ABHD2: variants seen among roughly 807,000 people sequenced by gnomAD.
ABHD2 encodes the protein monoacylglycerol lipase ABHD2.
ABHD2 carries 20 observed loss-of-function variants against 48.1 expected under a neutral mutation model. That is an observed-to-expected ratio of 0.42 (90% CI 0.29 to 0.60). The LOEUF is 0.60. ABHD2 is among the 20% of genes least tolerant of loss of function. The probability of loss-of-function intolerance (pLI) is 0.24; values close to 1 mark genes in which losing one functional copy is unlikely to be tolerated. For missense variants in ABHD2, 405 were observed against 550.9 expected, an observed-to-expected ratio of 0.74 and a Z score of 2.65; for synonymous variants, 209 against 214.2, an observed-to-expected ratio of 0.98 and a Z score of 0.21.
At chr15:89,064,308 C>T in the ABHD2 span, among the ~76,000 whole-genome samples, 1 of 150,572 alleles carries the variant, frequency 6.6e-6, no homozygotes, top group South Asian at 2.1e-4. Flanking sequence ...CAACCTCTGC[C>T]TCCCGGGTTT....
At chr15:89,086,302 C>G (rs576060622), upstream of ABHD2, among the ~76,000 whole-genome samples, 28 of 152,356 alleles carry the variant, frequency 1.8e-4, no homozygotes, top group South Asian at 5.6e-3. Context: ...GCTGGGATTA[C>G]AGGCTTGAGC....
At chr15:89,143,904 A>G (rs1233218867) in intron 3 of ABHD2, among the ~76,000 whole-genome samples, 2 of 152,080 alleles carry the variant, frequency 1.3e-5, no homozygotes, top group Non-Finnish European at 2.9e-5. Context: ...GATATGGAGA[A>G]ATTGGGACTC....
Position 89,114,630 on chromosome 15 carries a change from G to A in ABHD2, c.-7+806G>A, listed in dbSNP as rs943167673. Reference sequence around the variant, plus strand: ...CCCAAGTAGCTGGGATTACAGGCATGTGCCACCACGCCCGGCAAATTTTTG... The same window carrying A: ...CCCAAGTAGCTGGGATTACAGGCATATGCCACCACGCCCGGCAAATTTTTG... On this transcript the variant is annotated intron_variant, in intron 2 of 10. Coordinates refer to ENST00000352732, the MANE Select transcript of ABHD2 (RefSeq NM_152924.5). The surrounding 1 kb of genome is among the most constrained non-coding windows in gnomAD (Gnocchi z 4.2). Among the ~76,000 whole-genome samples the A allele has an allele frequency of 3.9e-5, 6 of 152,114 alleles. No individual in the cohort carries two copies. The highest frequency in any genetic ancestry group is 1.2e-4 in the African/African-American group (5 of 41,418).
Position 89,116,300 on chromosome 15 carries a change from G to A in ABHD2, c.-6-22G>A, listed in dbSNP as rs769622949. On this transcript the variant is annotated intron_variant, in intron 2 of 10. Coordinates refer to ENST00000352732, the MANE Select transcript of ABHD2 (RefSeq NM_152924.5). This position sits in a 1 kb window ranked among gnomAD's most constrained non-coding sequence, Gnocchi z 4.6. The stretch of plus-strand genomic sequence containing the variant: ...CGTCCTCACTGTGCTTGTAAACTTA[G>A]ACCTGTGCCTCTGCTCCCCAGATCA... 6.2e-7 allele frequency: 1 copy of A among 1,604,000 alleles called. No homozygotes were observed. Among genetic ancestry groups the A allele is most frequent in the Non-Finnish European group, 8.5e-7 (1 of 1,173,822 alleles).
At position 89,166,812 on chromosome 15, in the gene ABHD2, C is replaced by A. The variant is rs2050844647; in HGVS notation, c.539-9000C>A. On this transcript the variant is annotated intron_variant, in intron 5 of 10. Coordinates refer to ENST00000352732, the MANE Select transcript of ABHD2 (RefSeq NM_152924.5). This position sits in a 1 kb window ranked among gnomAD's most constrained non-coding sequence, Gnocchi z 4.6. Reference sequence around the variant, plus strand: ...GTGAGACCCTATCTCTTAAAACAAACAAACATATATACAAACAATCTTTTG... The same window carrying A: ...GTGAGACCCTATCTCTTAAAACAAAAAAACATATATACAAACAATCTTTTG... Among the ~76,000 whole-genome samples the A allele has an allele frequency of 6.6e-6, 1 of 152,106 alleles. No individual in the cohort carries two copies.
chr15:89,179,355 T>C lies in ABHD2; in HGVS notation c.722+3360T>C, dbSNP rs2051070015. Among the ~76,000 whole-genome samples the C allele has an allele frequency of 6.6e-6, 1 of 152,206 alleles. No homozygotes were observed. Among genetic ancestry groups the C allele is most frequent in the African/African-American group, 2.4e-5 (1 of 41,456 alleles). On this transcript the variant is annotated intron_variant, in intron 6 of 10. Coordinates refer to ENST00000352732, the MANE Select transcript of ABHD2 (RefSeq NM_152924.5). This position sits in a 1 kb window ranked among gnomAD's most constrained non-coding sequence, Gnocchi z 4.3. ...TGTATTTAGTCTCATTCCCCATTGA[T>C]CACATTACTGCCTGAGTTCCGCCTC...
chr15:89,147,663 T>C lies in ABHD2; in HGVS notation c.195-4014T>C, dbSNP rs111977132. Among the ~76,000 whole-genome samples, 1,419 of 151,966 alleles carry C rather than the reference T, an allele frequency of 9.3e-3. 17 individuals are homozygous for C. Among genetic ancestry groups the C allele is most frequent in the African/African-American group, 0.032 (1,344 of 41,526 alleles). On this transcript the variant is annotated intron_variant, in intron 3 of 10. Transcript: ENST00000352732. The stretch of plus-strand genomic sequence containing the variant: ...CCACTGCGCCCGGCTGCATAGCTCT[T>C]TTTAAAACAAAATGCAAAACACAAA...
chr15:89,185,611 G>GA lies in ABHD2; in HGVS notation c.815+106dup, dbSNP rs113210345. On this transcript the variant is annotated intron_variant, in intron 7 of 10. Coordinates refer to ENST00000352732, the MANE Select transcript of ABHD2 (RefSeq NM_152924.5). This position sits in a 1 kb window ranked among gnomAD's most constrained non-coding sequence, Gnocchi z 5.9. ...AGCCAGGACTCCTGTTCCTTCAGGG[G>GA]AAAAAAAAAAATGCAGGTGTGGTAC... The GA allele has an allele frequency of 0.02, 16,037 of 801,976 alleles. 10 individuals carry two copies. The highest frequency in any genetic ancestry group is 0.032 in the African/African-American group (1,776 of 54,794). The allele number at this position is 801,976 out of a possible 1,614,324, so 49.7% of individuals were successfully genotyped here. A position where few individuals can be genotyped will look rare whatever the true frequency, so the allele number is the denominator to read the frequency against.
chr15:89,153,715 A>G (rs1046651486), intron 4 of ABHD2, among the ~76,000 whole-genome samples: 1 of 152,174 alleles, frequency 6.6e-6, no homozygotes, highest in Non-Finnish European at 1.5e-5. Context: ...AGAAGTACTG[A>G]TTTTAGAAAA....
chr15:89,096,977 A>G (rs1186586977), intron 1 of ABHD2, among the ~76,000 whole-genome samples: 4 of 152,180 alleles, frequency 2.6e-5, no homozygotes, highest in African/African-American at 7.2e-5. Flanking sequence ...CCTCAAGTTT[A>G]TTTTCCACAG....
rs2050341722 is a variant in ABHD2, at chr15:89,137,977, T to C, written c.195-13700T>C. 6.6e-6 allele frequency among the ~76,000 whole-genome samples: 1 copy of C among 151,652 alleles called. No individual in the cohort carries two copies. Among genetic ancestry groups the C allele is most frequent in the Admixed American group, 6.6e-5 (1 of 15,218 alleles). On this transcript the variant is annotated intron_variant, in intron 3 of 10. Coordinates refer to ENST00000352732, the MANE Select transcript of ABHD2 (RefSeq NM_152924.5). The surrounding 1 kb of genome is among the most constrained non-coding windows in gnomAD (Gnocchi z 4.8). ...GGGGCTGTGTCCTAGTGGAGAAGGG[T>C]GAAGCCCAGTGGGATGGGCTCACGA...
the ABHD2 span, among the ~76,000 whole-genome samples, chr15:89,056,355 A>T: frequency 6.6e-6 from 1 of 152,210 alleles, no homozygotes; most frequent in Non-Finnish European, 1.5e-5. Context: ...CTTGAATGAC[A>T]CAGTAAGAAA....
the ABHD2 span, among the ~76,000 whole-genome samples, chr15:89,053,576 G>A: frequency 2.0e-5 from 3 of 152,170 alleles, no homozygotes; most frequent in East Asian, 5.8e-4. Context: ...GGGATTTGAA[G>A]GGAGTGTAAG....
chr15:89,052,805 C>T, the ABHD2 span, among the ~76,000 whole-genome samples: 2 of 152,082 alleles, frequency 1.3e-5, no homozygotes, highest in Non-Finnish European at 2.9e-5. Context: ...AGCCACAGAC[C>T]TCTCCCTCCT....
chr15:89,185,236 G>A lies in ABHD2; in HGVS notation c.723-188G>A, dbSNP rs766248856. Among the ~76,000 whole-genome samples the A allele has an allele frequency of 2.6e-5, 4 of 152,184 alleles. No homozygotes were observed. Among genetic ancestry groups the A allele is most frequent in the Non-Finnish European group, 5.9e-5 (4 of 68,032 alleles). On this transcript the variant is annotated intron_variant, in intron 6 of 10. Transcript: ENST00000352732. This position sits in a 1 kb window ranked among gnomAD's most constrained non-coding sequence, Gnocchi z 5.9. ...GGTCCCCTTCCCCTGCGCTGTCTTG[G>A]TGTCTCCATAGATTTCTCCACAGGT... is the stretch of plus-strand genomic sequence containing the variant.
Position 89,106,897 on chromosome 15 carries a change from T to C in ABHD2, c.-106-6828T>C, listed in dbSNP as rs1301767693. 1.3e-5 allele frequency among the ~76,000 whole-genome samples: 2 copies of C among 152,190 alleles called. No homozygotes were observed. Among genetic ancestry groups the C allele is most frequent in the African/African-American group, 4.8e-5 (2 of 41,434 alleles). The stretch of plus-strand genomic sequence containing the variant: ...AAGTTAAGATGGGGTTGTACTTTTA[T>C]CTAAGCTGCCACCAAAGAGGCTGAA... On this transcript the variant is annotated intron_variant, in intron 1 of 10. Transcript: ENST00000352732. This position sits in a 1 kb window ranked among gnomAD's most constrained non-coding sequence, Gnocchi z 4.2.
At position 89,188,137 on chromosome 15, in the gene ABHD2, C is replaced by T; in HGVS notation, c.816-56C>T. The T allele has an allele frequency of 1.3e-6, 2 of 1,499,324 alleles. No individual in the cohort carries two copies. The allele number at this position is 1,499,324 out of a possible 1,614,324, so 92.9% of individuals were successfully genotyped here. A position where few individuals can be genotyped will look rare whatever the true frequency, so the allele number is the denominator to read the frequency against. Reference sequence around the variant, plus strand: ...TGCTGTGGCAAGGAAGCAGGCTATGCCATGGTTGTTCATCCTCCACATCTT... The same window carrying T: ...TGCTGTGGCAAGGAAGCAGGCTATGTCATGGTTGTTCATCCTCCACATCTT... On this transcript the variant is annotated intron_variant, in intron 7 of 10. Coordinates refer to ENST00000352732, the MANE Select transcript of ABHD2 (RefSeq NM_152924.5). The surrounding 1 kb of genome is among the most constrained non-coding windows in gnomAD (Gnocchi z 4.1).
At chr15:89,165,152 T>C (rs1412896349) in intron 5 of ABHD2, among the ~76,000 whole-genome samples, 1 of 152,262 alleles carries the variant, frequency 6.6e-6, no homozygotes, top group Non-Finnish European at 1.5e-5. Flanking sequence ...ACCTTCAGTA[T>C]TGGCCTCTTG....
At chr15:89,140,335 C>G (rs2050381904) in intron 3 of ABHD2, among the ~76,000 whole-genome samples, 1 of 152,152 alleles carries the variant, frequency 6.6e-6, no homozygotes, top group African/African-American at 2.4e-5. Flanking sequence ...AAGTTCCAGG[C>G]AAATACTGGA....
Sources: allele counts gnomAD v4.1 joint callset (sites outside exome capture counted in the v4.1 genomes callset), GRCh38; gene constraint gnomAD v4.1.1; non-coding constraint Gnocchi (gnomAD v3.1); transcripts MANE v1.5; gene names NCBI Gene and HGNC (gene_info 2026-07-23, HGNC 2026-07-21).